SLC35D4: variants seen among roughly 807,000 people sequenced by gnomAD.
SLC35D4 encodes the protein solute carrier family 35 member D4.
At chr18:23,304,390 CATT>C in the SLC35D4 span, among the ~76,000 whole-genome samples, 6 of 145,698 alleles carry the variant, frequency 4.1e-5, no homozygotes, top group Admixed American at 6.9e-5. Context: ...TATAACATAT[CATT>C]ATATATAATT....
At chr18:23,324,934 T>C in the SLC35D4 span, among the ~76,000 whole-genome samples, 21 of 152,184 alleles carry the variant, frequency 1.4e-4, no homozygotes, top group African/African-American at 4.6e-4. Flanking sequence ...AAAAGTCCCA[T>C]GGAGAATCCT....
At chr18:23,358,817 C>T in the SLC35D4 span, among the ~76,000 whole-genome samples, 1 of 152,156 alleles carries the variant, frequency 6.6e-6, no homozygotes, top group Non-Finnish European at 1.5e-5. Flanking sequence ...CTCTGTGGTC[C>T]TCAATTTCAA....
chr18:23,285,504 C>A, the SLC35D4 span, among the ~76,000 whole-genome samples: 3 of 152,110 alleles, frequency 2.0e-5, no homozygotes, highest in Non-Finnish European at 4.4e-5. Context: ...CTAAATAATT[C>A]TTGTCGTAAA....
At chr18:23,241,302 G>C in the SLC35D4 span, among the ~76,000 whole-genome samples, 2 of 151,902 alleles carry the variant, frequency 1.3e-5, no homozygotes, top group Admixed American at 1.3e-4. Flanking sequence ...TGGGTAAGGT[G>C]GGGGGATCAC....
the SLC35D4 span, among the ~76,000 whole-genome samples, chr18:23,248,680 G>A: frequency 6.6e-6 from 1 of 151,820 alleles, no homozygotes; most frequent in Non-Finnish European, 1.5e-5. Context: ...ATACAGCTGG[G>A]TGGGTGTGGT....
the SLC35D4 span, among the ~76,000 whole-genome samples, chr18:23,372,760 G>A: frequency 6.6e-6 from 1 of 152,112 alleles, no homozygotes; most frequent in Non-Finnish European, 1.5e-5. Flanking sequence ...ATAACAATCT[G>A]TTTACTTGAC....
chr18:23,308,478 C>T, the SLC35D4 span, among the ~76,000 whole-genome samples: 1 of 152,256 alleles, frequency 6.6e-6, no homozygotes, highest in South Asian at 2.1e-4. Flanking sequence ...CTCATTCTTT[C>T]ATTGCTCGGA....
At chr18:23,377,627 G>A in the SLC35D4 span, 1 of 1,572,434 alleles carries the variant, frequency 6.4e-7, no homozygotes, top group Non-Finnish European at 8.6e-7. Context: ...GCTTTTTGGG[G>A]GGAGGGCAGT....
chr18:23,411,550 A>AAAGGAAGG, the SLC35D4 span, among the ~76,000 whole-genome samples: 1 of 149,686 alleles, frequency 6.7e-6, no homozygotes, highest in African/African-American at 2.5e-5. Flanking sequence ...AGAAAGAAAG[A>AAAGGAAGG]AAGGTGTGTG....
the SLC35D4 span, among the ~76,000 whole-genome samples, chr18:23,250,174 G>A: frequency 6.6e-6 from 1 of 152,344 alleles, no homozygotes; most frequent in African/African-American, 2.4e-5. Context: ...AAATCCACAT[G>A]ATCGTTAAGC....
chr18:23,263,929 T>A, the SLC35D4 span, among the ~76,000 whole-genome samples: 1 of 152,124 alleles, frequency 6.6e-6, no homozygotes, highest in Non-Finnish European at 1.5e-5. Context: ...ACCTCCATAG[T>A]CCTTAACTGC....
the SLC35D4 span, among the ~76,000 whole-genome samples, chr18:23,398,860 T>C: frequency 6.6e-6 from 1 of 152,188 alleles, no homozygotes; most frequent in South Asian, 2.1e-4. Flanking sequence ...TATTTTCTAA[T>C]AGATAAAAAC....
the SLC35D4 span, among the ~76,000 whole-genome samples, chr18:23,342,984 A>G: frequency 6.6e-6 from 1 of 151,562 alleles, no homozygotes; most frequent in African/African-American, 2.4e-5. Flanking sequence ...GTGCAGTGGC[A>G]CAATCTTGGC....
At chr18:23,414,295 G>GAAGAAGGA in the SLC35D4 span, among the ~76,000 whole-genome samples, 14 of 124,132 alleles carry the variant, frequency 1.1e-4, no homozygotes, top group South Asian at 6.0e-4. Flanking sequence ...AAAAGGAAAG[G>GAAGAAGGA]AGGAAGGAAG....
chr18:23,329,627 C>G, the SLC35D4 span, among the ~76,000 whole-genome samples: 1 of 152,112 alleles, frequency 6.6e-6, no homozygotes, highest in Non-Finnish European at 1.5e-5. Context: ...ATTAGTTCAA[C>G]CATTGTGGAA....
chr18:23,327,427 C>G, the SLC35D4 span, among the ~76,000 whole-genome samples: 10 of 152,194 alleles, frequency 6.6e-5, no homozygotes, highest in South Asian at 1.7e-3. Context: ...AACACCTCTA[C>G]GCAAATAAAC....
the SLC35D4 span, among the ~76,000 whole-genome samples, chr18:23,246,612 C>A: frequency 0.017 from 2,641 of 151,328 alleles, 105 homozygotes; most frequent in East Asian, 0.13. Context: ...AGGATGGTCT[C>A]GATCTCCTGA....
At chr18:23,376,531 G>T in the SLC35D4 span, among the ~76,000 whole-genome samples, 2 of 152,236 alleles carry the variant, frequency 1.3e-5, no homozygotes, top group Non-Finnish European at 2.9e-5. Flanking sequence ...ACCTAGAGAA[G>T]AATCCAAGGC....
chr18:23,433,284 A>G, the SLC35D4 span, among the ~76,000 whole-genome samples: 1 of 152,056 alleles, frequency 6.6e-6, no homozygotes, highest in African/African-American at 2.4e-5. Context: ...GGTCTCTCAA[A>G]GTGCTGGGAT....
Sources: allele counts gnomAD v4.1 joint callset (sites outside exome capture counted in the v4.1 genomes callset), GRCh38; gene constraint gnomAD v4.1.1; transcripts MANE v1.5; gene names NCBI Gene and HGNC (gene_info 2026-07-23, HGNC 2026-07-21).